CNTN1: variants seen among roughly 807,000 people sequenced by gnomAD.
CNTN1 encodes the protein contactin 1.
In CNTN1, 38 loss-of-function variants were observed where a neutral mutation model predicts 126.4. The ratio of observed to expected loss-of-function variants is 0.30; its 90% CI spans 0.23 to 0.39. The LOEUF is 0.39. CNTN1 is among the 10% of genes least tolerant of loss of function. CNTN1 has a pLI of 1.00. For synonymous variants in CNTN1, 413 were observed against 422.6 expected, an observed-to-expected ratio of 0.98 and a Z score of 0.28; for missense variants, 1,009 against 1,248.4, an observed-to-expected ratio of 0.81 and a Z score of 2.89.
At chr12:40,742,146 C>G (rs999527500) in intron 1 of CNTN1, among the ~76,000 whole-genome samples, 1 of 151,954 alleles carries the variant, frequency 6.6e-6, no homozygotes, top group Admixed American at 6.6e-5. Flanking sequence ...AAATATAACC[C>G]GTGTAACCTA....
chr12:40,989,650 C>T (rs1453152293), intron 16 of CNTN1, among the ~76,000 whole-genome samples: 1 of 152,086 alleles, frequency 6.6e-6, no homozygotes, highest in Non-Finnish European at 1.5e-5. Context: ...TCTAAATAGA[C>T]ACAAACTTTA....
chr12:41,051,145 C>CTTTTT (rs58479316), intron 23 of CNTN1, among the ~76,000 whole-genome samples: 8 of 120,406 alleles, frequency 6.6e-5, no homozygotes, highest in African/African-American at 2.0e-4. Flanking sequence ...GCTTTGTGAT[C>CTTTTT]TTTTTTTTTT....
chr12:40,827,704 G>A (rs1000108205), intron 1 of CNTN1, among the ~76,000 whole-genome samples: 2 of 151,990 alleles, frequency 1.3e-5, no homozygotes, highest in African/African-American at 2.4e-5. Context: ...TATTTTCCCC[G>A]AGTGGATGTT....
intron 1 of CNTN1, among the ~76,000 whole-genome samples, chr12:40,776,048 G>A (rs1480375060): frequency 1.3e-5 from 2 of 151,542 alleles, no homozygotes; most frequent in Non-Finnish European, 3.0e-5. Flanking sequence ...ACTATTTAGG[G>A]CATTTGCCTC....
At chr12:41,048,920 A>G (rs938357332) in intron 23 of CNTN1, among the ~76,000 whole-genome samples, 2 of 152,210 alleles carry the variant, frequency 1.3e-5, no homozygotes, top group African/African-American at 2.4e-5. Flanking sequence ...CCAAAATTCT[A>G]TCTTAAATTT....
chr12:40,750,899 A>G (rs952980362), intron 1 of CNTN1, among the ~76,000 whole-genome samples: 1 of 152,080 alleles, frequency 6.6e-6, no homozygotes, highest in Non-Finnish European at 1.5e-5. Context: ...CAGATATGGT[A>G]ATTTAAACCA....
intron 1 of CNTN1, among the ~76,000 whole-genome samples, chr12:40,716,462 T>C (rs1444979205): frequency 6.6e-6 from 1 of 152,144 alleles, no homozygotes; most frequent in East Asian, 1.9e-4. Context: ...AGACAACCTC[T>C]AACAAATGTT....
chr12:40,832,902 A>T (rs759130504), intron 1 of CNTN1, among the ~76,000 whole-genome samples: 20 of 152,084 alleles, frequency 1.3e-4, no homozygotes, highest in Non-Finnish European at 2.6e-4. Flanking sequence ...TTTTCAAACT[A>T]GCCAATCCTA....
intron 16 of CNTN1, among the ~76,000 whole-genome samples, chr12:40,992,405 T>A (rs557774814): frequency 6.6e-6 from 1 of 152,170 alleles, no homozygotes; most frequent in Non-Finnish European, 1.5e-5. Flanking sequence ...ATAGGTTGAT[T>A]ATTAAAAACT....
chr12:40,943,797 G>C, intron 13 of CNTN1, 73 bp downstream of exon 13: 1 of 1,544,408 alleles, frequency 6.5e-7, no homozygotes, highest in Non-Finnish European at 8.9e-7. Flanking sequence ...CATCTAAACA[G>C]TCAATGTATT....
intron 1 of CNTN1, among the ~76,000 whole-genome samples, chr12:40,760,982 C>A (rs1938843499): frequency 6.6e-6 from 1 of 151,954 alleles, no homozygotes; most frequent in Non-Finnish European, 1.5e-5. Flanking sequence ...ATTACTCTGT[C>A]AAATAAAATT....
chr12:40,966,135 G>A (rs148788915), intron 15 of CNTN1, among the ~76,000 whole-genome samples: 1 of 152,010 alleles, frequency 6.6e-6, no homozygotes, highest in East Asian at 1.9e-4. Flanking sequence ...GAATGGTTGA[G>A]GTAGTTTTTC....
At chr12:40,896,979 GT>G (rs1160458934) in intron 1 of CNTN1, among the ~76,000 whole-genome samples, 6 of 152,218 alleles carry the variant, frequency 3.9e-5, no homozygotes, top group African/African-American at 1.4e-4. Flanking sequence ...TGAAAATTGA[GT>G]TAATACTTAG....
At chr12:40,865,625 A>G (rs1383486405) in intron 1 of CNTN1, among the ~76,000 whole-genome samples, 2 of 152,030 alleles carry the variant, frequency 1.3e-5, no homozygotes, top group East Asian at 3.8e-4. Flanking sequence ...TTCAAAATCT[A>G]TTGACCATAA....
At chr12:40,928,535 C>G (rs982991979) in intron 6 of CNTN1, among the ~76,000 whole-genome samples, 7 of 152,006 alleles carry the variant, frequency 4.6e-5, no homozygotes, top group African/African-American at 1.4e-4. Flanking sequence ...TTATGGTAGT[C>G]TAATTTTCTG....
intron 5 of CNTN1, 112 bp downstream of exon 5, chr12:40,922,540 A>T: frequency 1.0e-6 from 1 of 957,838 alleles, no homozygotes; most frequent in Non-Finnish European, 1.6e-6. Flanking sequence ...GGTGGATCTT[A>T]CAAGATGAGT....
intron 14 of CNTN1, among the ~76,000 whole-genome samples, chr12:40,954,699 G>A (rs895294292): frequency 5.3e-5 from 8 of 152,100 alleles, no homozygotes; most frequent in Non-Finnish European, 5.9e-5. Context: ...TCTTAAAGCT[G>A]TTATATACAT....
intron 3 of CNTN1, among the ~76,000 whole-genome samples, chr12:40,910,416 A>G (rs890335394): frequency 2.0e-5 from 3 of 152,206 alleles, no homozygotes; most frequent in African/African-American, 7.2e-5. Flanking sequence ...TAAAATTTGT[A>G]AGCCTTGAAC....
intron 23 of CNTN1, among the ~76,000 whole-genome samples, chr12:41,050,846 C>T (rs1949659464): frequency 6.6e-6 from 1 of 152,100 alleles, no homozygotes; most frequent in Non-Finnish European, 1.5e-5. Context: ...CCTAGGAAGC[C>T]TCGTTACATA....
Sources: allele counts gnomAD v4.1 joint callset (sites outside exome capture counted in the v4.1 genomes callset), GRCh38; gene constraint gnomAD v4.1.1; transcripts MANE v1.5; gene names NCBI Gene and HGNC (gene_info 2026-07-23, HGNC 2026-07-21).